Variants in WIPI2 observed in about 807,000 individuals in gnomAD.
The protein encoded by WIPI2 is WD repeat domain, phosphoinositide interacting 2.
WIPI2 carries 28 observed loss-of-function variants against 52.3 expected under a neutral mutation model. That is an observed-to-expected ratio of 0.54 (90% CI 0.40 to 0.73). WIPI2 has a LOEUF of 0.73. WIPI2 is among the 30% of genes least tolerant of loss of function. The probability of loss-of-function intolerance (pLI) is 0.00; values close to 1 mark genes in which losing one functional copy is unlikely to be tolerated. For synonymous variants in WIPI2, 268 were observed against 245.0 expected (o/e 1.09, Z -0.88); for missense variants, 506 against 602.9 (o/e 0.84, Z 1.68).
chr7:5,233,710 C>A lies in WIPI2; in HGVS notation c.*2763C>A, dbSNP rs1277019757. 2 of 152,298 alleles carry A rather than the reference C, an allele frequency of 1.3e-5. No individual in the cohort carries two copies. The highest frequency in any genetic ancestry group is 1.9e-4 in the East Asian group (1 of 5,192). 9.4% of individuals were successfully genotyped at this position (152,298 alleles called of 1,614,324 possible). ...GCGTTTTCTGGACCGTTCCATGGGA[C>A]TCATCCCTACCTCACAGGGCTGTTG... On this transcript the variant is annotated 3_prime_UTR_variant, in exon 13 of 13. Transcript: ENST00000288828.
intron 1 of WIPI2, 199 bp downstream of exon 1, chr7:5,190,692 G>T: frequency 2.3e-6 from 1 of 428,284 alleles, no homozygotes; most frequent in Non-Finnish European, 3.9e-6. Flanking sequence ...TGCTGGCCTG[G>T]AGCTGCGGTC....
chr7:5,218,741 C>T (rs1362652863), intron 7 of WIPI2: 3 of 152,212 alleles, frequency 2.0e-5, no homozygotes, highest in Admixed American at 1.3e-4. Context: ...CTCCCTGGCC[C>T]CCAGGAGACT....
intron 7 of WIPI2, among the ~76,000 whole-genome samples, chr7:5,220,156 C>T (rs1377296542): frequency 6.6e-6 from 1 of 151,688 alleles, no homozygotes; most frequent in Non-Finnish European, 1.5e-5. Context: ...TTTCTAATAG[C>T]TGTATACTAT....
rs370098440 is a variant in WIPI2, at chr7:5,225,875, G to T, written c.793G>T (p.Ala265Ser). 6.2e-7 allele frequency: 1 copy of T among 1,613,792 alleles called. No homozygotes were observed. The highest frequency in any genetic ancestry group is 8.5e-7 in the Non-Finnish European group (1 of 1,179,966). The change falls in exon 9 of 13, where the codon GCC (alanine) becomes TCC (serine). Residue 265 changes from alanine to serine, a missense_variant. This residue lies in a region of WIPI2 where 237 missense variants were observed against 346.9 expected (regional missense o/e 0.68). Coordinates refer to ENST00000288828, the MANE Select transcript of WIPI2 (RefSeq NM_015610.4). ...CAGCATGGACGGCATGTTCCTCTCC[G>T]CCTCCAGCAACACTGAGACCGTGCA... The part of the protein sequence containing the change: ...AFSMDGMFLS[A>S]SSNTETVHIF...
At chr7:5,204,136 T>C (rs1782179592) in intron 3 of WIPI2, among the ~76,000 whole-genome samples, 1 of 152,196 alleles carries the variant, frequency 6.6e-6, no homozygotes, top group Admixed American at 6.5e-5. Flanking sequence ...AAGTGATTGT[T>C]CTGGGTATGC....
At chr7:5,206,819 C>T (rs1196145460) in intron 3 of WIPI2, among the ~76,000 whole-genome samples, 1 of 152,116 alleles carries the variant, frequency 6.6e-6, no homozygotes, top group Non-Finnish European at 1.5e-5. Flanking sequence ...ACCCAGGCTG[C>T]CAGGCTGGAG....
intron 4 of WIPI2, chr7:5,216,198 C>T (rs890772016): frequency 1.6e-4 from 23 of 147,446 alleles, no homozygotes; most frequent in African/African-American, 4.6e-4. Flanking sequence ...GTGAAGCCAA[C>T]GCAGGGGTGG....
intron 2 of WIPI2, among the ~76,000 whole-genome samples, chr7:5,196,594 A>G (rs1017764312): frequency 2.0e-5 from 3 of 151,954 alleles, no homozygotes; most frequent in Non-Finnish European, 4.4e-5. Flanking sequence ...CACAGCAGAG[A>G]ACTGGGATGT....
chr7:5,197,673 G>A lies in WIPI2; in HGVS notation c.129-1903G>A, dbSNP rs113516789. ...CTTGGAATACATTTCTTCCACATAC[G>A]TGTGAAAGAGTAGTTGGAAATCTCA... On this transcript the variant is annotated intron_variant, in intron 2 of 12. Transcript: ENST00000288828. Among the ~76,000 whole-genome samples the A allele has an allele frequency of 4.1e-4, 62 of 152,212 alleles. 1 individual carries two copies. The highest frequency in any genetic ancestry group is 3.4e-3 in the Middle Eastern group (1 of 294).
chr7:5,198,744 A>G (rs996906108), intron 2 of WIPI2, among the ~76,000 whole-genome samples: 1 of 152,222 alleles, frequency 6.6e-6, no homozygotes, highest in Admixed American at 6.5e-5. Context: ...AAAGTTTTAT[A>G]GAGTTTGTTT....
chr7:5,227,424 TC>T lies in WIPI2; in HGVS notation c.1013+82del. The T allele has an allele frequency of 5.8e-6, 9 of 1,541,074 alleles. No individual in the cohort carries two copies. The highest frequency in any genetic ancestry group is 7.0e-6 in the Non-Finnish European group (8 of 1,146,976). The stretch of plus-strand genomic sequence containing the variant: ...CCAGTCCTGGCGGCTTGTGGCCCCT[TC>T]CGTGCTTCTGAACAGGAGCAGCTTC... On this transcript the variant is annotated intron_variant, in intron 10 of 12. Transcript: ENST00000288828. This position sits in a 1 kb window ranked among gnomAD's most constrained non-coding sequence, Gnocchi z 8.1.
chr7:5,214,163 A>C, intron 3 of WIPI2: 1 of 848,474 alleles, frequency 1.2e-6, no homozygotes, highest in African/African-American at 1.8e-5. Context: ...AGGGGAAGCA[A>C]TTGCAGTTTC....
rs1782837987 is a variant in WIPI2 at position 5,216,817 on chromosome 7, C to T, written c.478+158C>T. ...AAGCTGCCTTCCTACTGATGCTGGT[C>T]ATGTGACCACATAAGCTCATTGGTT... On this transcript the variant is annotated intron_variant, in intron 5 of 12. Coordinates refer to ENST00000288828, the MANE Select transcript of WIPI2 (RefSeq NM_015610.4). The T allele has an allele frequency of 1.1e-5, 8 of 734,102 alleles. 1 individual carries two copies. The allele number at this position is 734,102 out of a possible 1,614,324, so 45.5% of individuals were successfully genotyped here. A position where few individuals can be genotyped will look rare whatever the true frequency, so the allele number is the denominator to read the frequency against.
intron 3 of WIPI2, among the ~76,000 whole-genome samples, chr7:5,210,776 C>CAGGGGAAGGATTGGT (rs1782517712): frequency 6.6e-6 from 1 of 152,174 alleles, no homozygotes; most frequent in African/African-American, 2.4e-5. Context: ...GTGTTGCTCC[C>CAGGGGAAGGATTGGT]AGGGGAAGGA....
Position 5,228,121 on chromosome 7 carries a change from GGTT to G in WIPI2, c.1036_1038del (p.Leu346del). The G allele has an allele frequency of 1.2e-6, 2 of 1,613,948 alleles. No homozygotes were observed. The highest frequency in any genetic ancestry group is 1.7e-6 in the Non-Finnish European group (2 of 1,180,006). On this transcript the variant is annotated inframe_deletion, in exon 11 of 13. Coordinates refer to ENST00000288828, the MANE Select transcript of WIPI2 (RefSeq NM_015610.4). Reference sequence around the variant, plus strand: ...CTCCCTAGAATTCAGAAGATCCCGCGGTTGTTGGTGGGTGCCGCCGACGGGTAC... The same window carrying G: ...CTCCCTAGAATTCAGAAGATCCCGCGGTTGGTGGGTGCCGCCGACGGGTAC...
At chr7:5,228,979 A>G (rs931054754) in intron 11 of WIPI2, among the ~76,000 whole-genome samples, 1 of 151,926 alleles carries the variant, frequency 6.6e-6, no homozygotes, top group Non-Finnish European at 1.5e-5. Flanking sequence ...TGGCCTCCCC[A>G]AGTGTTGGGG....
intron 5 of WIPI2, chr7:5,216,874 A>G: frequency 1.5e-6 from 1 of 686,676 alleles, no homozygotes; most frequent in East Asian, 2.7e-5. Flanking sequence ...GTTACTGATC[A>G]GTTCAAACCA....
intron 6 of WIPI2, chr7:5,217,503 C>T (rs181850272): frequency 5.1e-6 from 2 of 393,908 alleles, no homozygotes; most frequent in Admixed American, 3.9e-5. Context: ...TGCTGGGTTG[C>T]CCAGGCTGGC....
intron 3 of WIPI2, among the ~76,000 whole-genome samples, chr7:5,204,280 A>C (rs1455206817): frequency 6.6e-6 from 1 of 152,164 alleles, no homozygotes; most frequent in Non-Finnish European, 1.5e-5. Context: ...CAGCCTGGCC[A>C]ACATGGTGAA....
Sources: gnomAD v4.1 joint callset for allele counts (sites outside exome capture counted in the v4.1 genomes callset) on GRCh38, gnomAD v4.1.1 for gene constraint, gnomAD v4.1.1 regional missense constraint, Gnocchi (gnomAD v3.1) non-coding constraint, MANE v1.5 for transcripts, NCBI Gene and HGNC (gene_info 2026-07-23, HGNC 2026-07-21) for gene names.